Variants in FBXW11 observed in about 807,000 individuals in gnomAD.
The protein encoded by FBXW11 is F-box/WD repeat-containing protein 11.
Under a neutral mutation model 77.6 loss-of-function variants are expected in FBXW11, and 19 were observed. The observed-to-expected ratio is 0.24, with a 90% confidence interval of 0.17 to 0.36. The LOEUF (loss-of-function observed/expected upper bound fraction) is 0.36. Ranked by LOEUF, FBXW11 falls within the 10% of genes least tolerant of loss-of-function variation. The pLI, the probability that FBXW11 is intolerant of heterozygous loss-of-function variation, is 1.00. For missense variants in FBXW11, 334 were observed against 704.2 expected (o/e 0.47, Z 5.95); for synonymous variants, 235 against 249.4 (o/e 0.94, Z 0.54).
intron 7 of FBXW11, among the ~76,000 whole-genome samples, chr5:171,884,369 T>A (rs1017614853): frequency 6.6e-6 from 1 of 152,238 alleles, no homozygotes; most frequent in African/African-American, 2.4e-5. Context: ...GGTTTATTTC[T>A]GGGTTCTCTA....
chr5:171,924,961 A>C (rs1761811898), intron 2 of FBXW11, among the ~76,000 whole-genome samples: 1 of 152,098 alleles, frequency 6.6e-6, no homozygotes, highest in African/African-American at 2.4e-5. Flanking sequence ...GCCGGTGCCC[A>C]AGGCAGAAGC....
At chr5:171,916,176 C>T (rs1225845321) in intron 2 of FBXW11, among the ~76,000 whole-genome samples, 2 of 145,458 alleles carry the variant, frequency 1.4e-5, no homozygotes, top group Non-Finnish European at 3.0e-5. Flanking sequence ...CAACATGGCA[C>T]ATGTATACAT....
intron 4 of FBXW11, among the ~76,000 whole-genome samples, chr5:171,902,110 T>C (rs1399623212): frequency 6.6e-6 from 1 of 152,202 alleles, no homozygotes; most frequent in Non-Finnish European, 1.5e-5. Flanking sequence ...ATATGTGCCA[T>C]TGCCCAGTCC....
intron 3 of FBXW11, among the ~76,000 whole-genome samples, chr5:171,913,832 C>CACACATACACACACACACACACACAT (rs758638591): frequency 7.7e-6 from 1 of 129,252 alleles, no homozygotes; most frequent in Non-Finnish European, 1.7e-5. Context: ...CACACACACA[C>CACACATACACACACACACACACACAT]ACACACACAC....
chr5:171,882,282 C>G (rs1490557191), intron 7 of FBXW11, among the ~76,000 whole-genome samples: 2 of 152,180 alleles, frequency 1.3e-5, no homozygotes, highest in African/African-American at 4.8e-5. Flanking sequence ...CCCACCCACA[C>G]ATGCACACAT....
chr5:171,866,036 G>A (rs886852698), intron 13 of FBXW11, among the ~76,000 whole-genome samples: 3 of 152,094 alleles, frequency 2.0e-5, no homozygotes, highest in South Asian at 4.1e-4. Context: ...AGTCTGAGGC[G>A]GGCAGATCAA....
At chr5:171,887,390 CAAAAAAT>C (rs1275793305) in intron 7 of FBXW11, among the ~76,000 whole-genome samples, 10 of 150,678 alleles carry the variant, frequency 6.6e-5, no homozygotes, top group African/African-American at 2.4e-4. Flanking sequence ...AAAAAACAAA[CAAAAAAT>C]AAAAATTAAA....
intron 2 of FBXW11, among the ~76,000 whole-genome samples, chr5:171,957,015 G>C (rs769717872): frequency 1.3e-5 from 2 of 152,136 alleles, no homozygotes; most frequent in African/African-American, 4.8e-5. Context: ...TGCCGGCCTC[G>C]GCCTGGAAAA....
At chr5:171,866,576 C>A (rs936333162) in intron 13 of FBXW11, among the ~76,000 whole-genome samples, 2 of 152,146 alleles carry the variant, frequency 1.3e-5, no homozygotes, top group Non-Finnish European at 2.9e-5. Context: ...CATCTCTCAA[C>A]CAAAGGAATC....
At chr5:171,890,238 A>T (rs989055438) in intron 7 of FBXW11, among the ~76,000 whole-genome samples, 9 of 152,262 alleles carry the variant, frequency 5.9e-5, no homozygotes, top group African/African-American at 1.9e-4. Flanking sequence ...GAACAAAAGC[A>T]ACTCTCAGGC....
chr5:171,887,342 G>C (rs1265426624), intron 7 of FBXW11, among the ~76,000 whole-genome samples: 1 of 151,714 alleles, frequency 6.6e-6, no homozygotes, highest in African/African-American at 2.4e-5. Flanking sequence ...GTTTGACCTA[G>C]GTAGCTGAAT....
At chr5:171,888,969 T>C (rs1759108637) in intron 7 of FBXW11, among the ~76,000 whole-genome samples, 1 of 152,036 alleles carries the variant, frequency 6.6e-6, no homozygotes, top group Non-Finnish European at 1.5e-5. Context: ...CAATAGAAAT[T>C]ATCCAGAAAA....
chr5:171,872,842 T>G (rs1757840473), intron 10 of FBXW11, 30 bp downstream of exon 10: 8 of 1,546,324 alleles, frequency 5.2e-6, no homozygotes, highest in Admixed American at 1.7e-5. Context: ...AAAATCAGCC[T>G]GCTCTGTCAG....
At chr5:171,914,823 T>C (rs76333212) in intron 2 of FBXW11, among the ~76,000 whole-genome samples, 3,264 of 152,256 alleles carry the variant, frequency 0.021, 114 homozygotes, top group African/African-American at 0.074. Context: ...CAATTAGAAG[T>C]AGCAAAGCCT....
intron 7 of FBXW11, among the ~76,000 whole-genome samples, chr5:171,886,817 C>A: frequency 6.6e-6 from 1 of 151,900 alleles, no homozygotes; most frequent in Non-Finnish European, 1.5e-5. Context: ...AGTTTGAGAC[C>A]AGCCTGGCCA....
intron 1 of FBXW11, among the ~76,000 whole-genome samples, chr5:172,004,729 A>G (rs1192048813): frequency 6.6e-6 from 1 of 152,180 alleles, no homozygotes; most frequent in Admixed American, 6.6e-5. Flanking sequence ...TAATATACTT[A>G]GTCGATTTAA....
At chr5:171,912,244 A>C (rs1451394608) in intron 3 of FBXW11, among the ~76,000 whole-genome samples, 1 of 152,158 alleles carries the variant, frequency 6.6e-6, no homozygotes, top group Non-Finnish European at 1.5e-5. Flanking sequence ...TCTTCCACTC[A>C]ATTTATCCTA....
intron 1 of FBXW11, among the ~76,000 whole-genome samples, chr5:171,972,980 C>T (rs1051845027): frequency 5.3e-5 from 8 of 152,202 alleles, no homozygotes; most frequent in Admixed American, 4.6e-4. Context: ...ACTGTGTAGG[C>T]TTTAACTCAG....
chr5:171,936,109 T>TAA (rs61349170), intron 2 of FBXW11, among the ~76,000 whole-genome samples: 35 of 59,242 alleles, frequency 5.9e-4, no homozygotes, highest in Non-Finnish European at 7.2e-4. Flanking sequence ...AGACTCCATC[T>TAA]AAAAAAAAAA....
Sources: allele counts gnomAD v4.1 joint callset (sites outside exome capture counted in the v4.1 genomes callset), GRCh38; gene constraint gnomAD v4.1.1; transcripts MANE v1.5; gene names NCBI Gene and HGNC (gene_info 2026-07-23, HGNC 2026-07-21).